USP10: variants seen among roughly 807,000 people sequenced by gnomAD.
USP10 encodes the protein ubiquitin carboxyl-terminal hydrolase 10.
Under a neutral mutation model 84.5 loss-of-function variants are expected in USP10, and 22 were observed. The observed-to-expected ratio is 0.26, with a 90% CI of 0.19 to 0.37. The LOEUF is 0.37. USP10 is among the 10% of genes least tolerant of loss of function. The pLI is 1.00. For missense variants in USP10, 1,019 were observed against 998.9 expected (o/e 1.02, Z -0.27); for synonymous variants, 454 against 387.6 (o/e 1.17, Z -2.01).
intron 4 of USP10, among the ~76,000 whole-genome samples, chr16:84,754,724 C>T (rs1912323230): frequency 6.6e-6 from 1 of 152,194 alleles, no homozygotes; most frequent in South Asian, 2.1e-4. Flanking sequence ...CATGCTGTCT[C>T]ACAAATAAAT....
intron 4 of USP10, among the ~76,000 whole-genome samples, chr16:84,748,241 G>T (rs1236199279): frequency 6.6e-6 from 1 of 150,844 alleles, no homozygotes; most frequent in Non-Finnish European, 1.5e-5. Flanking sequence ...CCTATAATGA[G>T]AAATGCATGG....
intron 4 of USP10, among the ~76,000 whole-genome samples, chr16:84,750,996 C>G (rs1021706942): frequency 6.6e-6 from 1 of 152,170 alleles, no homozygotes; most frequent in African/African-American, 2.4e-5. Context: ...ATTACCCTGT[C>G]CGTGTTTATT....
chr16:84,778,803 A>T, intron 13 of USP10, 92 bp from the exon 14 acceptor site: 1 of 1,266,784 alleles, frequency 7.9e-7, no homozygotes, highest in South Asian at 1.5e-5. Flanking sequence ...TTTTACACAT[A>T]GGATGCATCC....
intron 4 of USP10, among the ~76,000 whole-genome samples, chr16:84,758,144 T>G (rs866032822): frequency 6.6e-6 from 1 of 152,214 alleles, no homozygotes; most frequent in Admixed American, 6.5e-5. Context: ...ATAAAACAGT[T>G]GCTAAATTGG....
Position 84,775,260 on chromosome 16 carries a change from A to G in USP10, c.2209+35A>G, listed in dbSNP as rs375263157. ...TTTGTACGACATTACTTCTTCATTAAAACACTGATGAAGGGGTTTACAGCT... is the reference window on the plus strand; with the variant it reads ...TTTGTACGACATTACTTCTTCATTAGAACACTGATGAAGGGGTTTACAGCT... On this transcript the variant is annotated intron_variant, in intron 13 of 13. Coordinates refer to ENST00000219473, the MANE Select transcript of USP10 (RefSeq NM_005153.3). 2.6e-4 allele frequency: 418 copies of G among 1,599,832 alleles called. 2 individuals are homozygous for G. In the African/African-American group the frequency reaches 5.2e-3, roughly 20 times the overall value.
In USP10 at chr16:84,745,154, G is replaced by A. The variant is rs779001911; in HGVS notation, c.673G>A (p.Asp225Asn). The A allele has an allele frequency of 3.1e-6, 5 of 1,613,454 alleles. No homozygotes were observed. Among genetic ancestry groups the A allele is most frequent in the Non-Finnish European group, 4.2e-6 (5 of 1,179,700 alleles). The change falls in exon 4 of 14, where the codon GAC becomes AAC. Residue 225 changes from aspartate (D) to asparagine (N), a missense_variant. This residue lies in a region of USP10 where 787 missense variants were observed against 708.8 expected (regional missense o/e 1.11). Transcript: ENST00000219473. The stretch of plus-strand genomic sequence containing the variant: ...AGACTCTGTCAGTGACATTGTGCCT[G>A]ACAGTCCTTTCCCCGGAGCACTCGG... ...STDSVSDIVPDSPFPGALGSD... is the reference protein window; with the variant it reads ...STDSVSDIVPNSPFPGALGSD...
At position 84,758,777 on chromosome 16, in the gene USP10, C is replaced by G. The variant is rs762153766; in HGVS notation, c.1254C>G (p.Ile418Met). 1 of 1,613,748 alleles carries G rather than the reference C, an allele frequency of 6.2e-7. No individual in the cohort carries two copies. Among genetic ancestry groups the G allele is most frequent in the South Asian group, 1.1e-5 (1 of 91,072 alleles). ...KPVSLQPRGL[I>M]NKGNWCYINA... ...TGTCGTTGCAACCCCGTGGGCTGAT[C>G]AATAAAGGGAACTGGTGCTACATTA... Residue 418 changes from isoleucine (I) to methionine (M), a missense_variant, in exon 5 of 14, where the codon ATC becomes ATG. Ile to Met is a conservative substitution (Grantham distance 10). Coordinates refer to ENST00000219473, the MANE Select transcript of USP10 (RefSeq NM_005153.3).
chr16:84,704,487 C>T (rs1377446225), intron 1 of USP10, among the ~76,000 whole-genome samples: 4 of 151,956 alleles, frequency 2.6e-5, no homozygotes, highest in African/African-American at 9.7e-5. Flanking sequence ...ATGTTCATTT[C>T]CAGAGACTTG....
In USP10 at chr16:84,700,075, A is replaced by C. The variant is rs1446868310; in HGVS notation, c.-16A>C. The C allele has an allele frequency of 3.9e-5, 54 of 1,373,654 alleles. No individual in the cohort carries two copies. Among genetic ancestry groups the C allele is most frequent in the Non-Finnish European group, 5.1e-5 (53 of 1,043,576 alleles). 85.1% of individuals were successfully genotyped at this position (1,373,654 alleles called of 1,614,324 possible). On this transcript the variant is annotated 5_prime_UTR_variant, in exon 1 of 14. Transcript: ENST00000219473. ...AGCAGCCGGAGGATCGCGGAGTCCC[A>C]ATGAAACGGGCAGCCATGGCCCTCC...
At chr16:84,739,471 C>T (rs1910364433) in intron 2 of USP10, among the ~76,000 whole-genome samples, 1 of 151,930 alleles carries the variant, frequency 6.6e-6, no homozygotes, top group East Asian at 1.9e-4. Context: ...TGGGGTTTCA[C>T]CATGTTGGCC....
chr16:84,764,917 C>T (rs1250021799), intron 10 of USP10, among the ~76,000 whole-genome samples: 1 of 78,538 alleles, frequency 1.3e-5, no homozygotes, highest in Non-Finnish European at 2.2e-5. Context: ...TAAACAATAA[C>T]CACGAGAGAG....
At chr16:84,757,021 G>C (rs1436917224) in intron 4 of USP10, among the ~76,000 whole-genome samples, 1 of 152,180 alleles carries the variant, frequency 6.6e-6, no homozygotes, top group Non-Finnish European at 1.5e-5. Context: ...GCTGTTATGT[G>C]ACCTCAGTTT....
At chr16:84,751,438 A>G (rs1213665826) in intron 4 of USP10, among the ~76,000 whole-genome samples, 1 of 152,258 alleles carries the variant, frequency 6.6e-6, no homozygotes, top group Non-Finnish European at 1.5e-5. Flanking sequence ...TCTGAAGTAC[A>G]CAGGCAGTGG....
intron 4 of USP10, among the ~76,000 whole-genome samples, chr16:84,750,716 T>C (rs1473096052): frequency 6.6e-6 from 1 of 152,212 alleles, no homozygotes; most frequent in African/African-American, 2.4e-5. Context: ...TTCAAAATTA[T>C]GCAACAGTAT....
chr16:84,754,056 CT>C (rs1912237627), intron 4 of USP10, among the ~76,000 whole-genome samples: 1 of 152,090 alleles, frequency 6.6e-6, no homozygotes, highest in African/African-American at 2.4e-5. Context: ...ATGGTGCGGA[CT>C]TTGTTGAGCA....
In USP10 at chr16:84,745,116, C is replaced by T. The variant is rs1163970874; in HGVS notation, c.635C>T (p.Pro212Leu). 5 of 1,613,406 alleles carry T rather than the reference C, an allele frequency of 3.1e-6. No individual in the cohort carries two copies. The highest frequency in any genetic ancestry group is 3.4e-6 in the Non-Finnish European group (4 of 1,179,644). ...GTTACGCCCAGGACTTGTAACAGCCCCCAGAACTCCACAGACTCTGTCAGT... is the reference window on the plus strand; with the variant it reads ...GTTACGCCCAGGACTTGTAACAGCCTCCAGAACTCCACAGACTCTGTCAGT... ...PSVTPRTCNS[P>L]QNSTDSVSDI... is the part of the protein sequence containing the mutation. Residue 212 changes from proline (P) to leucine (L), a missense_variant, in exon 4 of 14, where the codon CCC becomes CTC. Transcript: ENST00000219473.
intron 1 of USP10, among the ~76,000 whole-genome samples, chr16:84,703,692 G>T (rs1263975821): frequency 1.3e-5 from 2 of 152,222 alleles, no homozygotes; most frequent in African/African-American, 4.8e-5. Context: ...CATGTCCTAA[G>T]AGTAGATGTT....
intron 10 of USP10, among the ~76,000 whole-genome samples, chr16:84,766,214 C>T (rs1489119510): frequency 6.6e-6 from 1 of 152,250 alleles, no homozygotes; most frequent in African/African-American, 2.4e-5. Flanking sequence ...GGTTTCCCGT[C>T]CTCTGTGGAA....
At chr16:84,757,039 TGTAAAATGGGGTTG>T (rs1185894119) in intron 4 of USP10, among the ~76,000 whole-genome samples, 1 of 152,218 alleles carries the variant, frequency 6.6e-6, no homozygotes, top group African/African-American at 2.4e-5. Flanking sequence ...TTTTCTCATC[TGTAAAATGGGGTTG>T]GTAACTATCT....
Sources: gnomAD v4.1 joint callset for allele counts (sites outside exome capture counted in the v4.1 genomes callset) on GRCh38, gnomAD v4.1.1 for gene constraint, gnomAD v4.1.1 regional missense constraint, MANE v1.5 for transcripts, NCBI Gene and HGNC (gene_info 2026-07-23, HGNC 2026-07-21) for gene names.